IL1RAPL1: variants seen among roughly 807,000 people sequenced by gnomAD.
IL1RAPL1 encodes the protein interleukin 1 receptor accessory protein like 1, also known as interleukin-1 receptor accessory protein-like 1.
In IL1RAPL1, 3 loss-of-function variants were observed where a neutral mutation model predicts 48.4. That is an observed-to-expected ratio of 0.06 (90% CI 0.03 to 0.16). The LOEUF is 0.16. Among genes scored for constraint, IL1RAPL1 ranks in the 10% least tolerant of loss-of-function variants. IL1RAPL1 has a pLI of 1.00. For missense variants in IL1RAPL1, 349 were observed against 530.6 expected, an observed-to-expected ratio of 0.66 and a Z score of 3.36; for synonymous variants, 185 against 187.7, an observed-to-expected ratio of 0.99 and a Z score of 0.12.
At chrX:29,415,359 CTATATAA>C (rs1934200347) in intron 5 of IL1RAPL1, among the ~76,000 whole-genome samples, 1 of 110,799 alleles carries the variant, frequency 9.0e-6, no homozygotes, top group African/African-American at 3.3e-5. Context: ...ATACATAGAT[CTATATAA>C]TATATATCTA....
intron 2 of IL1RAPL1, among the ~76,000 whole-genome samples, chrX:29,146,565 A>G (rs1929356234): frequency 8.9e-6 from 1 of 112,047 alleles, no homozygotes; most frequent in Non-Finnish European, 1.9e-5. Flanking sequence ...TCATAATTAT[A>G]AGACAATATT....
intron 2 of IL1RAPL1, among the ~76,000 whole-genome samples, chrX:29,097,997 T>C (rs1007198239): frequency 8.9e-6 from 1 of 111,986 alleles, no homozygotes; most frequent in African/African-American, 3.2e-5. Flanking sequence ...CAAATGAAAG[T>C]TGAAAGTTCT....
At chrX:29,001,008 G>T (rs1322085185) in intron 2 of IL1RAPL1, among the ~76,000 whole-genome samples, 1 of 107,937 alleles carries the variant, frequency 9.3e-6, no homozygotes, top group African/African-American at 3.4e-5. Flanking sequence ...TTTCTGCCTG[G>T]CACAGTGCCT....
At chrX:29,433,093 G>A (rs1415705055) in intron 5 of IL1RAPL1, among the ~76,000 whole-genome samples, 3 of 109,088 alleles carry the variant, frequency 2.8e-5, no homozygotes, top group African/African-American at 1.0e-4. Context: ...CTGCCTTTTG[G>A]GGTGCCATAA....
chrX:29,051,152 G>T (rs983788433), intron 2 of IL1RAPL1, among the ~76,000 whole-genome samples: 1 of 112,172 alleles, frequency 8.9e-6, no homozygotes. Flanking sequence ...ATCCCTCTCT[G>T]TCAAACCGGA....
chrX:29,870,642 CTG>C (rs1931783041), intron 6 of IL1RAPL1, among the ~76,000 whole-genome samples: 1 of 111,938 alleles, frequency 8.9e-6, no homozygotes, highest in African/African-American at 3.2e-5. Flanking sequence ...TTTGAGTACT[CTG>C]TCTCACTTGC....
At chrX:29,872,637 G>C (rs1232663595) in intron 6 of IL1RAPL1, among the ~76,000 whole-genome samples, 1 of 111,787 alleles carries the variant, frequency 8.9e-6, no homozygotes, top group Non-Finnish European at 1.9e-5. Context: ...TACCTGTAAA[G>C]TGTCTTTCAC....
chrX:29,609,065 C>T (rs1050239925), intron 5 of IL1RAPL1, among the ~76,000 whole-genome samples: 2 of 111,596 alleles, frequency 1.8e-5, no homozygotes, highest in African/African-American at 3.3e-5. Flanking sequence ...ATGCTGATAA[C>T]CTTGGAATCA....
intron 6 of IL1RAPL1, among the ~76,000 whole-genome samples, chrX:29,777,610 A>G (rs1343582316): frequency 1.8e-5 from 2 of 111,471 alleles, no homozygotes; most frequent in Non-Finnish European, 3.8e-5. Flanking sequence ...AGAATCTGTC[A>G]TCATGGAAAT....
At chrX:29,306,435 A>G (rs1602161504) in intron 3 of IL1RAPL1, among the ~76,000 whole-genome samples, 1 of 101,037 alleles carries the variant, frequency 9.9e-6, no homozygotes, top group East Asian at 3.6e-4. Flanking sequence ...AGGCTGAGGC[A>G]GGAGAATGGC....
chrX:29,907,793 G>A (rs1291729931), intron 6 of IL1RAPL1, among the ~76,000 whole-genome samples: 2 of 111,200 alleles, frequency 1.8e-5, no homozygotes, highest in Non-Finnish European at 3.8e-5. Context: ...CATCTTATTG[G>A]ACTTTTATTA....
intron 2 of IL1RAPL1, among the ~76,000 whole-genome samples, chrX:29,196,021 G>A (rs1217161550): frequency 8.9e-6 from 1 of 111,926 alleles, no homozygotes; most frequent in Non-Finnish European, 1.9e-5. Flanking sequence ...AAAATAACTT[G>A]AAGTTAGCTG....
chrX:29,953,973 C>T (rs1354682815), intron 9 of IL1RAPL1, among the ~76,000 whole-genome samples: 2 of 110,287 alleles, frequency 1.8e-5, no homozygotes, highest in Non-Finnish European at 3.8e-5. Context: ...CGGTGGCTCA[C>T]GCCTGTAATC....
chrX:29,686,724 A>AT (rs1189972505), intron 6 of IL1RAPL1, among the ~76,000 whole-genome samples: 1 of 108,026 alleles, frequency 9.3e-6, no homozygotes, highest in Non-Finnish European at 1.9e-5. Flanking sequence ...CGCCCAGCTA[A>AT]TTTTTTGTAT....
In IL1RAPL1 at chrX:29,279,190, G is replaced by T. The variant is rs536455164; in HGVS notation, c.83-3748G>T. Among the ~76,000 whole-genome samples, 8 of 112,142 alleles carry T rather than the reference G, an allele frequency of 7.1e-5. No homozygotes were observed. The South Asian group carries it at 3.0e-3, about 42-fold the overall frequency. ...TTGGTGGCTCACTCCTGTAATCCCA[G>T]CACTTTGGGAGACCAAGGTGGGCAG... On this transcript the variant is annotated intron_variant, in intron 2 of 10. Coordinates refer to ENST00000378993, the MANE Select transcript of IL1RAPL1 (RefSeq NM_014271.4).
intron 2 of IL1RAPL1, among the ~76,000 whole-genome samples, chrX:28,907,954 TATGA>T (rs1464389497): frequency 8.9e-6 from 1 of 112,080 alleles, no homozygotes; most frequent in East Asian, 2.8e-4. Context: ...TTTCTCCTTG[TATGA>T]GTTTGTGTCT....
At chrX:29,231,821 T>A (rs1931207391) in intron 2 of IL1RAPL1, among the ~76,000 whole-genome samples, 1 of 112,216 alleles carries the variant, frequency 8.9e-6, no homozygotes, top group Non-Finnish European at 1.9e-5. Flanking sequence ...ATTTTCTAAC[T>A]CTGCTAAACA....
At chrX:29,918,701 A>C (rs917939950) in intron 7 of IL1RAPL1, among the ~76,000 whole-genome samples, 14 of 111,098 alleles carry the variant, frequency 1.3e-4, no homozygotes, top group African/African-American at 4.6e-4. Context: ...TTAAGGTCGA[A>C]ATATTTGTAT....
intron 1 of IL1RAPL1, among the ~76,000 whole-genome samples, chrX:28,714,105 ATACTT>A (rs1475817727): frequency 8.9e-6 from 1 of 112,042 alleles, no homozygotes; most frequent in Non-Finnish European, 1.9e-5. Flanking sequence ...TATTTTACAA[ATACTT>A]TACTAAGAAT....
Sources: gnomAD v4.1 joint callset for allele counts (sites outside exome capture counted in the v4.1 genomes callset) on GRCh38, gnomAD v4.1.1 for gene constraint, MANE v1.5 for transcripts, NCBI Gene and HGNC (gene_info 2026-07-23, HGNC 2026-07-21) for gene names.